GRM5: variants seen among roughly 807,000 people sequenced by gnomAD.
GRM5 encodes metabotropic glutamate receptor 5.
Under a neutral mutation model 83.1 loss-of-function variants are expected in GRM5, and 19 were observed. That is an observed-to-expected ratio of 0.23 (90% CI 0.16 to 0.34). GRM5 has a LOEUF of 0.34. Ranked by LOEUF, GRM5 falls within the 10% of genes least tolerant of loss-of-function variation. GRM5 has a pLI of 1.00. For missense variants in GRM5, 1,160 were observed against 1,588.3 expected, an observed-to-expected ratio of 0.73 and a Z score of 4.58; for synonymous variants, 675 against 633.6, an observed-to-expected ratio of 1.07 and a Z score of -0.98.
chr11:88,927,359 A>C (rs987524940), intron 2 of GRM5, among the ~76,000 whole-genome samples: 6 of 152,172 alleles, frequency 3.9e-5, no homozygotes, highest in Non-Finnish European at 7.3e-5. Context: ...ACTGTTTGGC[A>C]TCATTATTTT....
chr11:89,003,117 C>T (rs1940433436), intron 2 of GRM5, among the ~76,000 whole-genome samples: 1 of 152,124 alleles, frequency 6.6e-6, no homozygotes, highest in South Asian at 2.1e-4. Context: ...GTTTGCTATG[C>T]TTTCTACAAA....
chr11:88,703,296 T>A (rs1941078023), intron 3 of GRM5, among the ~76,000 whole-genome samples: 1 of 152,058 alleles, frequency 6.6e-6, no homozygotes, highest in Admixed American at 6.6e-5. Flanking sequence ...ATCACAATAG[T>A]TCCTATTTAT....
At chr11:88,661,266 A>G (rs151130964) in intron 3 of GRM5, among the ~76,000 whole-genome samples, 2 of 152,294 alleles carry the variant, frequency 1.3e-5, no homozygotes, top group East Asian at 3.9e-4. Flanking sequence ...TTAAAAGGAA[A>G]ACTTCAAATA....
At chr11:88,519,823 C>A (rs1040494656) in intron 9 of GRM5, among the ~76,000 whole-genome samples, 1 of 152,098 alleles carries the variant, frequency 6.6e-6, no homozygotes, top group Non-Finnish European at 1.5e-5. Flanking sequence ...AGAGCACATG[C>A]TAAAATTTAT....
intron 2 of GRM5, among the ~76,000 whole-genome samples, chr11:88,859,028 C>T (rs549165929): frequency 6.6e-6 from 1 of 151,786 alleles, no homozygotes; most frequent in East Asian, 1.9e-4. Flanking sequence ...GAAGAGAAAC[C>T]AAGATAATAT....
intron 3 of GRM5, among the ~76,000 whole-genome samples, chr11:88,746,583 AT>A (rs1209802864): frequency 1.8e-4 from 27 of 148,542 alleles, no homozygotes; most frequent in African/African-American, 6.6e-4. Context: ...AAAAAAAAAA[AT>A]AAGCTTAAGC....
intron 3 of GRM5, among the ~76,000 whole-genome samples, chr11:88,729,638 T>C (rs541289709): frequency 1.3e-5 from 2 of 152,276 alleles, no homozygotes; most frequent in Admixed American, 6.5e-5. Context: ...ACTACAAGGC[T>C]GCAGTAACCA....
chr11:88,703,599 A>T (rs899013914), intron 3 of GRM5, among the ~76,000 whole-genome samples: 3 of 152,062 alleles, frequency 2.0e-5, no homozygotes, highest in Non-Finnish European at 4.4e-5. Context: ...ATGTCATGAG[A>T]GGGACCCGGT....
chr11:88,777,354 T>A (rs772095366), intron 3 of GRM5, among the ~76,000 whole-genome samples: 5 of 152,158 alleles, frequency 3.3e-5, no homozygotes, highest in Non-Finnish European at 7.3e-5. Context: ...TTTTTCAAGG[T>A]TTTTAGCTTC....
At chr11:88,777,138 C>A (rs1190281291) in intron 3 of GRM5, among the ~76,000 whole-genome samples, 1 of 152,118 alleles carries the variant, frequency 6.6e-6, no homozygotes, top group Admixed American at 6.6e-5. Context: ...TTGTTCATTT[C>A]TTTTTACTCC....
At chr11:88,832,993 C>T (rs1166212666) in intron 3 of GRM5, among the ~76,000 whole-genome samples, 1 of 151,556 alleles carries the variant, frequency 6.6e-6, no homozygotes, top group Non-Finnish European at 1.5e-5. Context: ...AAAGTAAGAC[C>T]CCAAACTATA....
At chr11:89,032,896 C>A (rs1941295303) in intron 2 of GRM5, among the ~76,000 whole-genome samples, 1 of 151,996 alleles carries the variant, frequency 6.6e-6, no homozygotes. Flanking sequence ...ACTGATGGAG[C>A]ATAAATATGT....
intron 3 of GRM5, among the ~76,000 whole-genome samples, chr11:88,839,910 A>T (rs1944165791): frequency 6.6e-6 from 1 of 152,224 alleles, no homozygotes; most frequent in Non-Finnish European, 1.5e-5. Flanking sequence ...AAATGTTATC[A>T]AGAAAATCAT....
chr11:89,009,732 TA>T (rs577356560), intron 2 of GRM5, among the ~76,000 whole-genome samples: 101 of 145,980 alleles, frequency 6.9e-4, no homozygotes, highest in African/African-American at 2.4e-3. Context: ...CCGTCTCTAC[TA>T]AAAAAAAAAT....
intron 3 of GRM5, among the ~76,000 whole-genome samples, chr11:88,813,904 C>G (rs1943627104): frequency 1.3e-5 from 2 of 151,776 alleles, no homozygotes; most frequent in African/African-American, 4.8e-5. Flanking sequence ...ACCTATATAT[C>G]CTAAAAATTT....
chr11:88,847,159 T>C (rs866920175), intron 3 of GRM5, among the ~76,000 whole-genome samples: 2 of 152,216 alleles, frequency 1.3e-5, no homozygotes, highest in African/African-American at 4.8e-5. Flanking sequence ...TCAATATTTA[T>C]TGAGTCTTAC....
chr11:88,912,136 A>G (rs569061950), intron 2 of GRM5: 1 of 264,558 alleles, frequency 3.8e-6, no homozygotes, highest in Non-Finnish European at 8.3e-6. Context: ...GCATTCAAAA[A>G]TTGAGATTGT....
At chr11:88,522,463 G>A (rs917540150) in intron 9 of GRM5, among the ~76,000 whole-genome samples, 17 of 152,170 alleles carry the variant, frequency 1.1e-4, no homozygotes, top group African/African-American at 3.4e-4. Flanking sequence ...CAAATGTGAA[G>A]TTGGAAAAAA....
chr11:88,955,934 T>C (rs1308134872), intron 2 of GRM5, among the ~76,000 whole-genome samples: 2 of 152,248 alleles, frequency 1.3e-5, no homozygotes, highest in African/African-American at 4.8e-5. Flanking sequence ...CATTTGAATC[T>C]CTTTAAAGTT....
Sources: gnomAD v4.1 joint callset for allele counts (sites outside exome capture counted in the v4.1 genomes callset) on GRCh38, gnomAD v4.1.1 for gene constraint, MANE v1.5 for transcripts, NCBI Gene and HGNC (gene_info 2026-07-23, HGNC 2026-07-21) for gene names.